UPK1B: variants seen among roughly 807,000 people sequenced by gnomAD.
UPK1B encodes uroplakin-1b.
In UPK1B, 28 loss-of-function variants were observed where a neutral mutation model predicts 34.2. That is an observed-to-expected ratio of 0.82 (90% confidence interval 0.61 to 1.12). UPK1B has a LOEUF of 1.12. Ranked by LOEUF, UPK1B falls within the 50% of genes most tolerant of loss-of-function variation. The pLI is 0.00. For missense variants in UPK1B, 325 were observed against 320.9 expected (o/e 1.01, Z -0.10); for synonymous variants, 81 against 110.4 (o/e 0.73, Z 1.67).
chr3:119,202,219 C>A (rs932760137), intron 7 of UPK1B, among the ~76,000 whole-genome samples: 9 of 152,170 alleles, frequency 5.9e-5, no homozygotes, highest in African/African-American at 1.2e-4. Context: ...TTCAGTGGGG[C>A]TCTCAAGAAT....
At chr3:119,194,587 T>C (rs1318236092) in intron 6 of UPK1B, among the ~76,000 whole-genome samples, 189 bp downstream of exon 6, 1 of 152,246 alleles carries the variant, frequency 6.6e-6, no homozygotes, top group Non-Finnish European at 1.5e-5. Context: ...GGGGCAAATT[T>C]ACATTTTAAT....
At chr3:119,196,837 C>T (rs1228808838) in intron 6 of UPK1B, among the ~76,000 whole-genome samples, 1 of 151,790 alleles carries the variant, frequency 6.6e-6, no homozygotes, top group Non-Finnish European at 1.5e-5. Context: ...CGTGCCCAGC[C>T]TGGTTTTTGT....
intron 7 of UPK1B, among the ~76,000 whole-genome samples, chr3:119,200,293 T>A (rs2078085553): frequency 6.6e-6 from 1 of 152,184 alleles, no homozygotes; most frequent in African/African-American, 2.4e-5. Context: ...CCTCAAGCAA[T>A]CCTCCCACCC....
intron 1 of UPK1B, among the ~76,000 whole-genome samples, chr3:119,179,376 T>TATATATATATATATATATAG (rs2077975799): frequency 4.5e-5 from 3 of 67,234 alleles, no homozygotes; most frequent in East Asian, 3.7e-4. Context: ...TATATATATA[T>TATATATATATATATATATAG]ATATATATAT....
At chr3:119,197,039 G>A (rs1316116673) in intron 6 of UPK1B, among the ~76,000 whole-genome samples, 1 of 152,062 alleles carries the variant, frequency 6.6e-6, no homozygotes, top group African/African-American at 2.4e-5. Context: ...AGGTCTCACT[G>A]TGTTGCCCAG....
chr3:119,179,584 A>G (rs1344560820), intron 1 of UPK1B, among the ~76,000 whole-genome samples: 2 of 122,476 alleles, frequency 1.6e-5, no homozygotes, highest in Non-Finnish European at 3.2e-5. Context: ...ATCTTGGCTC[A>G]CTGCAAGCTC....
chr3:119,187,778 T>G lies in UPK1B; in HGVS notation c.73T>G (p.Cys25Gly). Residue 25 changes from cysteine (C) to glycine (G), a missense_variant, in exon 3 of 8, where the codon TGC becomes GGC. By Grantham distance (159) the Cys-to-Gly change is radical. Transcript: ENST00000264234. ...CCCACCTTTCATTTGCCCCCAGTGTTGCGGCATTGCCCTGACTGCGGAGTG... is the reference window on the plus strand; with the variant it reads ...CCCACCTTTCATTTGCCCCCAGTGTGGCGGCATTGCCCTGACTGCGGAGTG... The part of the protein sequence containing the change: ...LIFGNVIIGC[C>G]GIALTAECIF... 1.2e-6 allele frequency: 2 copies of G among 1,613,800 alleles called. No homozygotes were observed. Among genetic ancestry groups the G allele is most frequent in the Non-Finnish European group, 1.7e-6 (2 of 1,179,918 alleles).
chr3:119,191,778 C>T (rs2078046211), intron 5 of UPK1B, among the ~76,000 whole-genome samples: 1 of 152,148 alleles, frequency 6.6e-6, no homozygotes, highest in African/African-American at 2.4e-5. Flanking sequence ...TACCATAGGA[C>T]CTGGAAATTG....
At chr3:119,180,246 T>C (rs926115985) in intron 1 of UPK1B, among the ~76,000 whole-genome samples, 6 of 152,246 alleles carry the variant, frequency 3.9e-5, no homozygotes, top group African/African-American at 1.2e-4. Flanking sequence ...TTCGGCTGAT[T>C]GGAGGAGGCC....
intron 1 of UPK1B, among the ~76,000 whole-genome samples, chr3:119,186,272 AG>A (rs1381714215): frequency 6.6e-6 from 1 of 152,252 alleles, no homozygotes; most frequent in Non-Finnish European, 1.5e-5. Context: ...AGTTTTTAAA[AG>A]CACCCTGCAG....
chr3:119,189,887 C>G (rs915718828), intron 3 of UPK1B, among the ~76,000 whole-genome samples: 1 of 152,256 alleles, frequency 6.6e-6, no homozygotes, highest in East Asian at 1.9e-4. Context: ...ACTGAGCATG[C>G]ACATGCATGT....
rs953884893 is a variant in UPK1B at position 119,204,087 on chromosome 3, A to G, written c.*120A>G. On this transcript the variant is annotated 3_prime_UTR_variant, in exon 8 of 8. Transcript: ENST00000264234. ...ACTAACGTGTGTGTCTTACATTGCC[A>G]AGTCAGATGGTACGGACTTCCTTTA... 2.4e-5 allele frequency: 28 copies of G among 1,144,528 alleles called. No individual in the cohort carries two copies. Among genetic ancestry groups the G allele is most frequent in the Non-Finnish European group, 3.5e-5 (27 of 776,576 alleles). 70.9% of individuals were successfully genotyped at this position (1,144,528 alleles called of 1,614,324 possible). A position where few individuals can be genotyped will look rare whatever the true frequency, so the allele number is the denominator to read the frequency against.
chr3:119,190,248 T>G lies in UPK1B; in HGVS notation c.274T>G (p.Phe92Val). ...KSSRKILLAY[F>V]ILMFIVYAFE... ...ATCTCATTTATTTCCCTTCCAGTAT[T>G]TCATTCTGATGTTTATAGTATATGC... Residue 92 changes from phenylalanine (F) to valine (V), a missense_variant, in exon 4 of 8, where the codon TTC becomes GTC. Phe to Val is a conservative substitution (Grantham distance 50). Transcript: ENST00000264234. 6.2e-7 allele frequency: 1 copy of G among 1,600,446 alleles called. No individual in the cohort carries two copies. The highest frequency in any genetic ancestry group is 8.5e-7 in the Non-Finnish European group (1 of 1,170,854).
intron 5 of UPK1B, among the ~76,000 whole-genome samples, 177 bp from the exon 6 acceptor site, chr3:119,194,042 C>A (rs1480368849): frequency 6.6e-6 from 1 of 152,132 alleles, no homozygotes; most frequent in African/African-American, 2.4e-5. Context: ...CTTTTACAAA[C>A]TGTAAAATGT....
chr3:119,185,487 C>T (rs141468764), intron 1 of UPK1B, among the ~76,000 whole-genome samples: 206 of 152,048 alleles, frequency 1.4e-3, no homozygotes, highest in Non-Finnish European at 2.6e-3. Flanking sequence ...CCCCACCTCA[C>T]TCCCACACAT....
At chr3:119,203,718 C>T (rs969517562) in intron 7 of UPK1B, among the ~76,000 whole-genome samples, 199 bp from the exon 8 acceptor site, 1 of 152,156 alleles carries the variant, frequency 6.6e-6, no homozygotes, top group African/African-American at 2.4e-5. Context: ...CCATGGCACA[C>T]GTACATCTGT....
intron 7 of UPK1B, among the ~76,000 whole-genome samples, chr3:119,200,256 T>C (rs2078085347): frequency 6.6e-6 from 1 of 152,234 alleles, no homozygotes; most frequent in Admixed American, 6.5e-5. Context: ...TCTTACTTTG[T>C]TGCCTAGGTT....
chr3:119,197,588 A>T (rs2078072426), intron 6 of UPK1B, among the ~76,000 whole-genome samples: 1 of 152,214 alleles, frequency 6.6e-6, no homozygotes, highest in Non-Finnish European at 1.5e-5. Flanking sequence ...TGTAAACATT[A>T]ATGTTCCATT....
intron 1 of UPK1B, among the ~76,000 whole-genome samples, chr3:119,180,672 C>CT (rs5852189): frequency 3.4e-4 from 51 of 149,376 alleles, no homozygotes; most frequent in South Asian, 1.7e-3. Context: ...TTCATAATGT[C>CT]TTTTTTTTTT....
Sources: gnomAD v4.1 joint callset for allele counts (sites outside exome capture counted in the v4.1 genomes callset) on GRCh38, gnomAD v4.1.1 for gene constraint, MANE v1.5 for transcripts, NCBI Gene and HGNC (gene_info 2026-07-23, HGNC 2026-07-21) for gene names.